BICD1: variants seen among roughly 807,000 people sequenced by gnomAD.
BICD1 encodes BICD cargo adaptor 1, also known as protein bicaudal D homolog 1.
A neutral mutation model predicts 92.5 loss-of-function variants in BICD1; 35 were observed. The ratio of observed to expected loss-of-function variants is 0.38; its 90% confidence interval spans 0.29 to 0.50. BICD1 has a LOEUF of 0.50. Among genes scored for constraint, BICD1 ranks in the 20% least tolerant of loss-of-function variants. The pLI is 0.93. For synonymous variants in BICD1, 429 were observed against 465.1 expected, an observed-to-expected ratio of 0.92 and a Z score of 1.00; for missense variants, 950 against 1,189.8, an observed-to-expected ratio of 0.80 and a Z score of 2.97.
intron 2 of BICD1, among the ~76,000 whole-genome samples, chr12:32,222,040 TA>T (rs1945547848): frequency 6.6e-6 from 1 of 152,228 alleles, no homozygotes; most frequent in African/African-American, 2.4e-5. Context: ...AAATCCACAT[TA>T]ATGAAATCAT....
Position 32,378,747 on chromosome 12 carries a change from ATCT to A in BICD1, c.*1123_*1125del. 6.6e-6 allele frequency: 1 copy of A among 152,274 alleles called. No homozygotes were observed. The highest frequency in any genetic ancestry group is 2.1e-4 in the South Asian group (1 of 4,832). 9.4% of individuals were successfully genotyped at this position (152,274 alleles called of 1,614,324 possible). A position where few individuals can be genotyped will look rare whatever the true frequency, so the allele number is the denominator to read the frequency against. ...TTGTTGTTAGTTTTTTTCATAACGAATCTTCCTTGCCAAAAAAACAATAGATAA... is the reference window on the plus strand; with the variant it reads ...TTGTTGTTAGTTTTTTTCATAACGAATCCTTGCCAAAAAAACAATAGATAA... On this transcript the variant is annotated 3_prime_UTR_variant, in exon 10 of 10. Transcript: ENST00000652176.
intron 1 of BICD1, among the ~76,000 whole-genome samples, chr12:32,177,729 T>TTATATATTTATAAAAATATATAAATA (rs1565567171): frequency 1.5e-5 from 2 of 132,062 alleles, no homozygotes; most frequent in Admixed American, 8.3e-5. Context: ...ATAAATATAT[T>TTATATATTTATAAAAATATATAAATA]TATATATTTA....
At chr12:32,342,382 G>A (rs1938416289) in intron 8 of BICD1, among the ~76,000 whole-genome samples, 1 of 150,820 alleles carries the variant, frequency 6.6e-6, no homozygotes, top group South Asian at 2.1e-4. Context: ...AGCCTCCCGA[G>A]TAGCTGGGAC....
chr12:32,134,284 A>ATGTGCCACACCAT lies in BICD1; in HGVS notation c.213+26740_213+26741insTGTGCCACACCAT, dbSNP rs1942653711. Among the ~76,000 whole-genome samples, 3 of 152,306 alleles carry ATGTGCCACACCAT rather than the reference A, an allele frequency of 2.0e-5. No individual in the cohort carries two copies. The South Asian group carries it at 6.2e-4, about 32-fold the overall frequency. On this transcript the variant is annotated intron_variant, in intron 1 of 9. Coordinates refer to ENST00000652176, the MANE Select transcript of BICD1 (RefSeq NM_001714.4). ...CCTTTGTTAACTCACTGGCACTGCT[A>ATGTGCCACACCAT]GATCATGCTATGGTCCCCGAGGGCC...
intron 1 of BICD1, among the ~76,000 whole-genome samples, chr12:32,176,414 A>G (rs577452854): frequency 2.0e-5 from 3 of 152,180 alleles, no homozygotes; most frequent in Non-Finnish European, 4.4e-5. Flanking sequence ...TATCATTTAC[A>G]TTGAGGTATA....
intron 8 of BICD1, among the ~76,000 whole-genome samples, chr12:32,364,890 G>C (rs78097131): frequency 6.6e-6 from 1 of 152,148 alleles, no homozygotes; most frequent in Non-Finnish European, 1.5e-5. Context: ...GTTGGATGCT[G>C]AAGTGAGCTA....
Position 32,148,142 on chromosome 12 carries a change from C to CAA in BICD1, c.213+40607_213+40608dup, listed in dbSNP as rs10525262. ...GGGTGACAGAGCGAGACTCCGTCTC[C>CAA]AAAAAAAAAAGAATCTGAGAAGCAG... On this transcript the variant is annotated intron_variant, in intron 1 of 9. Coordinates refer to ENST00000652176, the MANE Select transcript of BICD1 (RefSeq NM_001714.4). Among the ~76,000 whole-genome samples, 134 of 60,600 alleles carry CAA rather than the reference C, an allele frequency of 2.2e-3. 4 individuals are homozygous for CAA. Among genetic ancestry groups the CAA allele is most frequent in the African/African-American group, 8.1e-3 (126 of 15,630 alleles). 39.8% of individuals were successfully genotyped at this position (60,600 alleles called of 152,430 possible).
chr12:32,256,109 G>A (rs554307014), intron 2 of BICD1, among the ~76,000 whole-genome samples: 1 of 152,064 alleles, frequency 6.6e-6, no homozygotes, highest in African/African-American at 2.4e-5. Flanking sequence ...CTGGAGTGCA[G>A]TGGTACAATC....
chr12:32,190,865 C>A (rs887519434), intron 1 of BICD1, among the ~76,000 whole-genome samples: 2 of 152,114 alleles, frequency 1.3e-5, no homozygotes, highest in African/African-American at 4.8e-5. Flanking sequence ...CAAGACTTAA[C>A]AAATTTAAGA....
chr12:32,186,966 C>T (rs1484629451), intron 1 of BICD1, among the ~76,000 whole-genome samples: 1 of 152,152 alleles, frequency 6.6e-6, no homozygotes, highest in Non-Finnish European at 1.5e-5. Flanking sequence ...ATGTTGCCTG[C>T]TCTCTCACTA....
chr12:32,317,946 C>T (rs1018955422), intron 4 of BICD1, among the ~76,000 whole-genome samples: 5 of 151,994 alleles, frequency 3.3e-5, no homozygotes, highest in African/African-American at 1.2e-4. Flanking sequence ...CCAGTTTTCC[C>T]AGCACCATTT....
intron 2 of BICD1, among the ~76,000 whole-genome samples, chr12:32,263,743 T>C (rs1946919624): frequency 1.3e-5 from 2 of 152,196 alleles, no homozygotes; most frequent in Non-Finnish European, 2.9e-5. Context: ...AGGAGTCATG[T>C]GATATATTAT....
At chr12:32,265,924 C>T (rs1477598117) in intron 2 of BICD1, among the ~76,000 whole-genome samples, 1 of 152,156 alleles carries the variant, frequency 6.6e-6, no homozygotes, top group Admixed American at 6.5e-5. Flanking sequence ...GCCCCAATTA[C>T]ACATCTGTCT....
intron 1 of BICD1, among the ~76,000 whole-genome samples, chr12:32,165,434 C>G (rs1044301318): frequency 5.9e-5 from 9 of 151,808 alleles, no homozygotes; most frequent in Admixed American, 2.0e-4. Context: ...GAGAATGGCG[C>G]GAACCCGGGA....
chr12:32,341,146 C>A (rs529379108), intron 8 of BICD1, among the ~76,000 whole-genome samples: 1 of 151,734 alleles, frequency 6.6e-6, no homozygotes, highest in East Asian at 1.9e-4. Context: ...TTTGAATAAC[C>A]AGAAAATACC....
In BICD1 at chr12:32,346,635, CGTGTATATATATATAT is replaced by C. The variant is rs1565687555; in HGVS notation, c.2764+7657_2764+7672del. ...ATACGTGTATATATATATATATATA[CGTGTATATATATATAT>C]ATATATACACACACACACGCACACA... On this transcript the variant is annotated intron_variant, in intron 8 of 9. Transcript: ENST00000652176. 3.4e-3 allele frequency among the ~76,000 whole-genome samples: 86 copies of C among 25,144 alleles called. 5 individuals are homozygous for C. The highest frequency in any genetic ancestry group is 6.7e-3 in the African/African-American group (79 of 11,870). The allele number at this position is 25,144 out of a possible 152,430, so 16.5% of individuals were successfully genotyped here. A position where few individuals can be genotyped will look rare whatever the true frequency, so the allele number is the denominator to read the frequency against.
chr12:32,265,131 G>A (rs1946956166), intron 2 of BICD1, among the ~76,000 whole-genome samples: 1 of 151,752 alleles, frequency 6.6e-6, no homozygotes. Context: ...TGCACTTGCA[G>A]TTTATACATT....
At chr12:32,279,213 G>T (rs1304109717) in intron 2 of BICD1, among the ~76,000 whole-genome samples, 1 of 152,202 alleles carries the variant, frequency 6.6e-6, no homozygotes, top group East Asian at 1.9e-4. Context: ...GACTTGCGGG[G>T]ATAGAAGCAT....
rs59062799 is a variant in BICD1 at position 32,112,597 on chromosome 12, G to C, written c.213+5053G>C. On this transcript the variant is annotated intron_variant, in intron 1 of 9. Coordinates refer to ENST00000652176, the MANE Select transcript of BICD1 (RefSeq NM_001714.4). The stretch of plus-strand genomic sequence containing the variant: ...CTTGCCCACACATAAGATTCCACCT[G>C]TAATTATGGCTTTGAGGAGAGGAGG... Among the ~76,000 whole-genome samples, 330 of 152,272 alleles carry C rather than the reference G, an allele frequency of 2.2e-3. 1 individual carries two copies. Among genetic ancestry groups the C allele is most frequent in the African/African-American group, 7.7e-3 (318 of 41,544 alleles).
Sources: allele counts gnomAD v4.1 joint callset (sites outside exome capture counted in the v4.1 genomes callset), GRCh38; gene constraint gnomAD v4.1.1; transcripts MANE v1.5; gene names NCBI Gene and HGNC (gene_info 2026-07-23, HGNC 2026-07-21).